The following METTL15 variants were observed in gnomAD, a reference collection of about 807,000 sequenced individuals.
METTL15 encodes the protein methyltransferase 15, mitochondrial 12S rRNA N4-cytidine, also known as 12S rRNA N(4)-cytidine methyltransferase METTL15.
In METTL15, 34 loss-of-function variants were observed where a neutral mutation model predicts 38.3. The ratio of observed to expected loss-of-function variants is 0.89; its 90% CI spans 0.68 to 1.18. The LOEUF (loss-of-function observed/expected upper bound fraction) is 1.18. Among genes scored for constraint, METTL15 ranks in the 50% most tolerant of loss-of-function variants. The pLI, the probability that METTL15 is intolerant of heterozygous loss-of-function variation, is 0.00. For synonymous variants in METTL15, 162 were observed against 170.9 expected, an observed-to-expected ratio of 0.95 and a Z score of 0.41; for missense variants, 438 against 498.4, an observed-to-expected ratio of 0.88 and a Z score of 1.15.
chr11:28,136,244 C>T (rs888585296), intron 3 of METTL15, among the ~76,000 whole-genome samples: 12 of 152,098 alleles, frequency 7.9e-5, no homozygotes, highest in Admixed American at 3.9e-4. Context: ...CCCCTTGTGT[C>T]GAGGGTGGGC....
At chr11:28,149,863 A>G (rs1329782799) in intron 3 of METTL15, among the ~76,000 whole-genome samples, 4 of 151,990 alleles carry the variant, frequency 2.6e-5, no homozygotes, top group African/African-American at 4.8e-5. Context: ...TTGAGAGTCA[A>G]TAAAGAAAAT....
chr11:28,374,277 C>A (rs996248703), intron 5 of METTL15, among the ~76,000 whole-genome samples: 4 of 152,020 alleles, frequency 2.6e-5, no homozygotes, highest in African/African-American at 9.7e-5. Flanking sequence ...TTTCAGGATA[C>A]TGATTCTTCC....
At chr11:28,301,323 A>G (rs1251452093) in intron 6 of METTL15, among the ~76,000 whole-genome samples, 4 of 152,062 alleles carry the variant, frequency 2.6e-5, no homozygotes, top group Admixed American at 1.3e-4. Flanking sequence ...CTCATCCTTT[A>G]GAGCTCAGTT....
intron 4 of METTL15, among the ~76,000 whole-genome samples, chr11:28,248,609 A>G (rs879512446): frequency 5.3e-5 from 8 of 152,108 alleles, no homozygotes; most frequent in Admixed American, 2.0e-4. Context: ...ATTCTAAACT[A>G]TAATTTTTTT....
chr11:28,172,886 T>C (rs1850909150), intron 3 of METTL15, among the ~76,000 whole-genome samples: 1 of 152,186 alleles, frequency 6.6e-6, no homozygotes, highest in African/African-American at 2.4e-5. Flanking sequence ...ATCTCTCCTT[T>C]TGTTGGCTAC....
chr11:28,108,957 C>T (rs1018085435), intron 1 of METTL15, among the ~76,000 whole-genome samples: 2 of 152,150 alleles, frequency 1.3e-5, no homozygotes, highest in African/African-American at 2.4e-5. Context: ...TTTTTAATAA[C>T]AGTATCTGAA....
At chr11:28,185,581 C>T (rs190495931) in intron 3 of METTL15, among the ~76,000 whole-genome samples, 17 of 151,334 alleles carry the variant, frequency 1.1e-4, no homozygotes, top group South Asian at 2.1e-4. Context: ...CTTCAGTTTG[C>T]GGTGAAACAA....
intron 3 of METTL15, among the ~76,000 whole-genome samples, chr11:28,119,240 G>A (rs182583466): frequency 1.3e-5 from 2 of 152,230 alleles, no homozygotes; most frequent in African/African-American, 4.8e-5. Context: ...TTAGTAGATT[G>A]CCCTCCATGA....
At chr11:28,369,687 A>G (rs1156662463) in intron 5 of METTL15, among the ~76,000 whole-genome samples, 6 of 152,170 alleles carry the variant, frequency 3.9e-5, no homozygotes, top group Non-Finnish European at 8.8e-5. Flanking sequence ...TAACTGGCAA[A>G]AGTGTCTTTC....
At chr11:28,252,778 C>T (rs1854801067) in intron 4 of METTL15, among the ~76,000 whole-genome samples, 1 of 152,056 alleles carries the variant, frequency 6.6e-6, no homozygotes, top group Non-Finnish European at 1.5e-5. Context: ...CATTTTCTTC[C>T]ACTTTATAAA....
intron 5 of METTL15, among the ~76,000 whole-genome samples, chr11:28,389,388 C>A (rs1211826231): frequency 8.4e-6 from 1 of 118,468 alleles, no homozygotes; most frequent in Admixed American, 9.8e-5. Flanking sequence ...CCCCTCCCCC[C>A]ACCCCACAAC....
At chr11:28,487,846 T>G (rs1564945298) in intron 6 of METTL15, among the ~76,000 whole-genome samples, 4 of 152,152 alleles carry the variant, frequency 2.6e-5, no homozygotes, top group African/African-American at 9.7e-5. Context: ...AATGTTTTCA[T>G]GAATCTATAG....
At chr11:28,110,544 A>C (rs1046281031) in intron 2 of METTL15, 143 bp downstream of exon 2, 7 of 152,266 alleles carry the variant, frequency 4.6e-5, no homozygotes, top group African/African-American at 1.7e-4. Flanking sequence ...CACGCCTTCA[A>C]CCTGGGTTTG....
chr11:28,515,480 G>A (rs1014560570), intron 6 of METTL15, among the ~76,000 whole-genome samples: 3 of 152,136 alleles, frequency 2.0e-5, no homozygotes, highest in Non-Finnish European at 4.4e-5. Context: ...TTATCTCATG[G>A]TCTGCTATCC....
At chr11:28,390,662 T>G (rs554672265) in intron 5 of METTL15, among the ~76,000 whole-genome samples, 8 of 152,340 alleles carry the variant, frequency 5.3e-5, no homozygotes, top group Admixed American at 2.0e-4. Flanking sequence ...TCAGGTAGCA[T>G]GATGCCTCCA....
At chr11:28,339,093 C>G (rs1849927168) in intron 3 of METTL15, among the ~76,000 whole-genome samples, 7 of 152,090 alleles carry the variant, frequency 4.6e-5, no homozygotes. Context: ...TTTAAATCAT[C>G]TTAGCCCTTG....
chr11:28,391,905 G>T (rs371931888), intron 5 of METTL15, among the ~76,000 whole-genome samples: 2 of 152,146 alleles, frequency 1.3e-5, no homozygotes, highest in Non-Finnish European at 2.9e-5. Context: ...ATAGACATGG[G>T]TAAGGACTTC....
At chr11:28,290,045 T>C (rs1856448304) in intron 4 of METTL15, among the ~76,000 whole-genome samples, 161 bp from the exon 5 acceptor site, 1 of 152,182 alleles carries the variant, frequency 6.6e-6, no homozygotes, top group South Asian at 2.1e-4. Context: ...CCAAGATGTA[T>C]AGTTTCCATA....
intron 5 of METTL15, among the ~76,000 whole-genome samples, chr11:28,394,375 C>T (rs1850546579): frequency 6.6e-6 from 1 of 152,064 alleles, no homozygotes; most frequent in Non-Finnish European, 1.5e-5. Flanking sequence ...TGAACTTTGG[C>T]ATCATTCAAT....
Sources: allele counts gnomAD v4.1 joint callset (sites outside exome capture counted in the v4.1 genomes callset), GRCh38; gene constraint gnomAD v4.1.1; transcripts MANE v1.5; gene names NCBI Gene and HGNC (gene_info 2026-07-23, HGNC 2026-07-21).